GPAM: variants seen among roughly 807,000 people sequenced by gnomAD.
GPAM encodes the protein glycerol-3-phosphate acyltransferase 1, mitochondrial.
In GPAM, 56 loss-of-function variants were observed where a neutral mutation model predicts 105.0. The ratio of observed to expected loss-of-function variants is 0.53; its 90% CI spans 0.43 to 0.67. GPAM has a LOEUF of 0.67. GPAM is among the 30% of genes least tolerant of loss of function. GPAM has a pLI of 0.00. For synonymous variants in GPAM, 368 were observed against 354.4 expected, an observed-to-expected ratio of 1.04 and a Z score of -0.43; for missense variants, 855 against 989.8, an observed-to-expected ratio of 0.86 and a Z score of 1.83.
intron 1 of GPAM, among the ~76,000 whole-genome samples, chr10:112,202,593 C>T (rs1847810491): frequency 6.6e-6 from 1 of 152,198 alleles, no homozygotes; most frequent in South Asian, 2.1e-4. Flanking sequence ...TAATCTATGA[C>T]ATTTTAAGCA....
At chr10:112,220,564 T>C in the GPAM span, among the ~76,000 whole-genome samples, 1 of 152,222 alleles carries the variant, frequency 6.6e-6, no homozygotes, top group South Asian at 2.1e-4. Flanking sequence ...TTAATTTCCT[T>C]GAGGCTAGGT....
intron 1 of GPAM, among the ~76,000 whole-genome samples, chr10:112,212,322 G>C (rs1465448635): frequency 3.3e-5 from 5 of 152,152 alleles, no homozygotes; most frequent in African/African-American, 1.2e-4. Flanking sequence ...GAGTGCAGTG[G>C]TGCGATCTCA....
chr10:112,215,286 C>T (rs912529745), exon 1 of GPAM: 6 of 152,246 alleles, frequency 3.9e-5, no homozygotes, highest in African/African-American at 1.4e-4. Flanking sequence ...GGTCTGGTTC[C>T]TCTGGGTGCC....
At chr10:112,192,536 A>G (rs1847673332) in intron 1 of GPAM, among the ~76,000 whole-genome samples, 2 of 152,142 alleles carry the variant, frequency 1.3e-5, no homozygotes, top group South Asian at 4.1e-4. Flanking sequence ...CCTGGCCAAG[A>G]CAGGAGCCCA....
At position 112,181,761 on chromosome 10, in the gene GPAM, A is replaced by T; in HGVS notation, c.24T>A (p.Leu8=). 1 of 1,605,568 alleles carries T rather than the reference A, an allele frequency of 6.2e-7. No homozygotes were observed. Among genetic ancestry groups the T allele is most frequent in the Non-Finnish European group, 8.5e-7 (1 of 1,172,304 alleles). ...GCAGATAAGAAACATCTATTGTACC[A>T]AGGGTCAGTGCAGATTCATCCATGT... is the stretch of plus-strand genomic sequence containing the variant. MDESALT[L]GTIDVSYLPH... Residue 8 remains leucine, a synonymous_variant, in exon 3 of 22, where the codon CTT becomes CTA. Transcript: ENST00000348367.
chr10:112,163,671 T>C (rs374240412), intron 14 of GPAM, 30 bp downstream of exon 14: 4 of 1,008,676 alleles, frequency 4.0e-6, no homozygotes, highest in Non-Finnish European at 4.8e-6. Flanking sequence ...ATCTAAATTG[T>C]AGAATTAAAG....
upstream of GPAM, among the ~76,000 whole-genome samples, chr10:112,184,553 A>G (rs148873536): frequency 9.4e-4 from 143 of 152,370 alleles, no homozygotes; most frequent in Middle Eastern, 6.8e-3. Flanking sequence ...ATGGAGCAAC[A>G]GGACTGAATT....
At position 112,163,811 on chromosome 10, in the gene GPAM, C is replaced by A. The variant is rs895364057; in HGVS notation, c.1313G>T (p.Ser438Ile). ...LLPAILPSRP[S>I]DAADEGRDTS... Reference sequence around the variant, plus strand: ...GTCTCTACCTTCATCAGCAGCATCACTGGGTCTAAAAAGTGTTTCAAAAAT... The same window carrying A: ...GTCTCTACCTTCATCAGCAGCATCAATGGGTCTAAAAAGTGTTTCAAAAAT... Residue 438 changes from serine (S) to isoleucine (I), a missense_variant, in exon 14 of 22, where the codon AGT (serine) becomes ATT (isoleucine). Physicochemically the swap from Ser to Ile is moderately radical, Grantham distance 142. Coordinates refer to ENST00000348367, the MANE Select transcript of GPAM (RefSeq NM_001244949.2). 9 of 1,536,904 alleles carry A rather than the reference C, an allele frequency of 5.9e-6. No homozygotes were observed. Among genetic ancestry groups the A allele is most frequent in the Admixed American group, 1.7e-5 (1 of 59,916 alleles).
At chr10:112,219,957 G>A (rs1016846882), upstream of GPAM, among the ~76,000 whole-genome samples, 3 of 152,178 alleles carry the variant, frequency 2.0e-5, no homozygotes, top group Non-Finnish European at 2.9e-5. Context: ...CCTGAATTCT[G>A]CTAAGGTAAA....
rs1009238784 is a variant in GPAM at position 112,160,749 on chromosome 10, C to A, written c.1614G>T (p.Gln538His). The A allele has an allele frequency of 1.2e-6, 2 of 1,613,986 alleles. No individual in the cohort carries two copies. The highest frequency in any genetic ancestry group is 2.7e-5 in the African/African-American group (2 of 74,912). Reference protein sequence around the residue: ...NSEDVVMHAIQLLGNCVTITH... With the variant: ...NSEDVVMHAIHLLGNCVTITH... ...TGATTGTGACACAATTTCCCAGCAG[C>A]TGTATGGCATGCATTACTACATCTT... is the stretch of plus-strand genomic sequence containing the variant. The change falls in exon 16 of 22, where the codon CAG (glutamine) becomes CAT (histidine). Residue 538 changes from glutamine (Q) to histidine (H), a missense_variant. By Grantham distance (24) the Gln-to-His change is conservative. Coordinates refer to ENST00000348367, the MANE Select transcript of GPAM (RefSeq NM_001244949.2).
chr10:112,159,940 G>A lies in GPAM; in HGVS notation c.1873C>T (p.Leu625Phe), dbSNP rs144468024. Residue 625 changes from leucine to phenylalanine, a missense_variant, in exon 17 of 22, where the codon CTT becomes TTT. Physicochemically the swap from Leu to Phe is conservative, Grantham distance 22 (BLOSUM62 0). Coordinates refer to ENST00000348367, the MANE Select transcript of GPAM (RefSeq NM_001244949.2). ...GAGATGGTGCCTTCATTGGAGAGAA[G>A]GTAGCACAGGCTGGCCGCCTTCCGC... ...LVRKAASLCY[L>F]LSNEGTISLP... The A allele has an allele frequency of 2.9e-5, 46 of 1,613,824 alleles. No homozygotes were observed. Among genetic ancestry groups the A allele is most frequent in the Non-Finnish European group, 3.7e-5 (44 of 1,179,904 alleles).
chr10:112,201,384 C>T (rs1386807778), intron 1 of GPAM, among the ~76,000 whole-genome samples: 1 of 152,214 alleles, frequency 6.6e-6, no homozygotes, highest in African/African-American at 2.4e-5. Context: ...GCTTGCATCC[C>T]TGCCTCTGAG....
At chr10:112,160,487 T>C in intron 16 of GPAM, 117 bp downstream of exon 16, 2 of 1,227,580 alleles carry the variant, frequency 1.6e-6, no homozygotes, top group Admixed American at 2.1e-5. Flanking sequence ...ACTAAAATTA[T>C]AGCCACATTC....
intron 1 of GPAM, among the ~76,000 whole-genome samples, chr10:112,193,404 C>T (rs1847685703): frequency 6.6e-6 from 1 of 152,180 alleles, no homozygotes; most frequent in Non-Finnish European, 1.5e-5. Flanking sequence ...GGGGCTGACC[C>T]AAGCTTCAAG....
chr10:112,224,717 C>T, the GPAM span, among the ~76,000 whole-genome samples: 1 of 152,032 alleles, frequency 6.6e-6, no homozygotes, highest in South Asian at 2.1e-4. Context: ...TATGCAAGTA[C>T]TAAGGACTAA....
chr10:112,175,121 T>C (rs1847380127), intron 6 of GPAM, among the ~76,000 whole-genome samples: 1 of 152,156 alleles, frequency 6.6e-6, no homozygotes, highest in Admixed American at 6.5e-5. Context: ...TTTCCTATTG[T>C]AAGCAAGCTC....
At chr10:112,174,101 G>GGTGACAACTAT (rs56317768) in intron 6 of GPAM, among the ~76,000 whole-genome samples, 104,468 of 151,406 alleles carry the variant, frequency 0.69, 36,154 homozygotes, top group South Asian at 0.83. Context: ...AAATTTACTG[G>GGTGACAACTAT]GTGAATTTGA....
intron 21 of GPAM, chr10:112,154,178 T>G (rs2297992): frequency 0.56 from 104,862 of 186,758 alleles, 29,978 homozygotes; most frequent in South Asian, 0.63. Context: ...CTGAAAGATT[T>G]TGAACATCAA....
At chr10:112,188,568 C>T (rs1190879751), upstream of GPAM, among the ~76,000 whole-genome samples, 2 of 152,144 alleles carry the variant, frequency 1.3e-5, no homozygotes, top group East Asian at 3.8e-4. Context: ...ATCTCCTGGC[C>T]AACTCTGAAA....
Sources: gnomAD v4.1 joint callset for allele counts (sites outside exome capture counted in the v4.1 genomes callset) on GRCh38, gnomAD v4.1.1 for gene constraint, MANE v1.5 for transcripts, NCBI Gene and HGNC (gene_info 2026-07-23, HGNC 2026-07-21) for gene names.